Variants in SSX2IP observed in about 807,000 individuals in gnomAD.
The protein encoded by SSX2IP is SSX family member 2 interacting protein.
Under a neutral mutation model 84.9 loss-of-function variants are expected in SSX2IP, and 55 were observed. The ratio of observed to expected loss-of-function variants is 0.65; its 90% CI spans 0.52 to 0.81. The LOEUF is 0.81. Ranked by LOEUF, SSX2IP falls within the 30% of genes least tolerant of loss-of-function variation. The probability of loss-of-function intolerance (pLI) is 0.00; values close to 1 mark genes in which losing one functional copy is unlikely to be tolerated. For missense variants in SSX2IP, 664 were observed against 705.2 expected (o/e 0.94, Z 0.66); for synonymous variants, 239 against 234.7 (o/e 1.02, Z -0.17).
chr1:84,673,541 C>T (rs959784772), intron 1 of SSX2IP, among the ~76,000 whole-genome samples: 1 of 152,154 alleles, frequency 6.6e-6, no homozygotes, highest in African/African-American at 2.4e-5. Context: ...CTCTTTTATG[C>T]TTTAAGAAAG....
Position 84,666,199 on chromosome 1 carries a change from C to T in SSX2IP, c.460G>A (p.Gly154Arg). Residue 154 changes from glycine (G) to arginine (R), a missense_variant, in exon 5 of 14, where the codon GGG (glycine) becomes AGG (arginine). By Grantham distance (125) the Gly-to-Arg change is moderately radical. Coordinates refer to ENST00000342203, the MANE Select transcript of SSX2IP (RefSeq NM_001166293.2). The part of the protein sequence containing the change: ...QLETSRREMI[G>R]LQERDRQLQC... ...AACTGTCTGTCTCTTTCCTGAAGCC[C>T]AATCATTTCCCTCCTGGAGGTTTCC... 6.2e-7 allele frequency: 1 copy of T among 1,612,516 alleles called. No homozygotes were observed. Among genetic ancestry groups the T allele is most frequent in the East Asian group, 2.2e-5 (1 of 44,812 alleles).
intron 1 of SSX2IP, among the ~76,000 whole-genome samples, chr1:84,682,816 T>C (rs973280195): frequency 6.6e-6 from 1 of 152,174 alleles, no homozygotes; most frequent in African/African-American, 2.4e-5. Flanking sequence ...TTCACATTTT[T>C]ATAACAATGT....
intron 8 of SSX2IP, 121 bp from the exon 9 acceptor site, chr1:84,658,589 G>T: frequency 8.5e-7 from 1 of 1,169,902 alleles, no homozygotes; most frequent in Non-Finnish European, 1.2e-6. Flanking sequence ...TCTGTGCTGT[G>T]TCTTATGCAT....
At chr1:84,672,572 A>T (rs144976114) in intron 1 of SSX2IP, among the ~76,000 whole-genome samples, 51 of 152,300 alleles carry the variant, frequency 3.3e-4, no homozygotes, top group African/African-American at 1.2e-3. Context: ...TACACTTAAG[A>T]TCTGTGCACT....
intron 9 of SSX2IP, among the ~76,000 whole-genome samples, chr1:84,657,872 C>T (rs1053722657): frequency 6.6e-6 from 1 of 152,142 alleles, no homozygotes; most frequent in Non-Finnish European, 1.5e-5. Flanking sequence ...GTGGCTCACA[C>T]GTGTAATCCA....
intron 13 of SSX2IP, chr1:84,650,030 C>T: frequency 3.1e-6 from 2 of 639,898 alleles, no homozygotes; most frequent in South Asian, 1.6e-5. Flanking sequence ...AATATCCTTC[C>T]ATTTAATACA....
At chr1:84,667,493 C>T (rs1190605071) in intron 4 of SSX2IP, among the ~76,000 whole-genome samples, 1 of 152,072 alleles carries the variant, frequency 6.6e-6, no homozygotes, top group East Asian at 1.9e-4. Flanking sequence ...TAACTCCATC[C>T]CAAATACAAG....
At chr1:84,662,614 G>T in intron 6 of SSX2IP, 84 bp from the exon 7 acceptor site, 1 of 1,458,220 alleles carries the variant, frequency 6.9e-7, no homozygotes, top group Non-Finnish European at 9.4e-7. Flanking sequence ...CACGTAAGTG[G>T]TGAAAGTGAA....
intron 13 of SSX2IP, chr1:84,649,714 C>T: frequency 3.2e-6 from 1 of 315,120 alleles, no homozygotes; most frequent in Non-Finnish European, 6.2e-6. Flanking sequence ...TAGGAATGTT[C>T]TACCTGCTTC....
chr1:84,683,722 AT>A (rs1194588349), intron 1 of SSX2IP, among the ~76,000 whole-genome samples: 3 of 152,226 alleles, frequency 2.0e-5, no homozygotes, highest in Non-Finnish European at 2.9e-5. Flanking sequence ...CTGTTTTAGT[AT>A]GATAGACAAG....
rs1302175988 is a variant in SSX2IP at position 84,670,099 on chromosome 1, A to G, written c.214-206T>C. On this transcript the variant is annotated intron_variant, in intron 3 of 13. Transcript: ENST00000342203. ...AAAAAATGATATAAGTATGGGAGGT[A>G]TGCACACTGAGCCATTTCACAATGT... 1.1e-5 allele frequency: 5 copies of G among 442,742 alleles called. No homozygotes were observed. In the Admixed American group the frequency reaches 1.5e-4, roughly 14 times the overall value. 27.4% of individuals were successfully genotyped at this position (442,742 alleles called of 1,614,324 possible). A position where few individuals can be genotyped will look rare whatever the true frequency, so the allele number is the denominator to read the frequency against.
chr1:84,669,732 CAA>C lies in SSX2IP; in HGVS notation c.373_374del (p.Leu125GlufsTer5). On this transcript the variant is annotated frameshift_variant, in exon 4 of 14. Transcript: ENST00000342203. LOFTEE classifies it high-confidence loss of function. ...LAQENVETQNLKLGSDMDHLQ... is the reference protein window; with the variant it reads ...LAQENVETQNXKLGSDMDHLQ... ...GATGGTCCATATCACTTCCCAGCTT[CAA>C]ATTCTGTGTCTCCACATTTTCCTGA... 1 of 1,613,810 alleles carries C rather than the reference CAA, an allele frequency of 6.2e-7. No individual in the cohort carries two copies. The highest frequency in any genetic ancestry group is 8.5e-7 in the Non-Finnish European group (1 of 1,179,786).
chr1:84,661,942 C>A (rs1652044669), intron 8 of SSX2IP, among the ~76,000 whole-genome samples: 1 of 152,110 alleles, frequency 6.6e-6, no homozygotes, highest in African/African-American at 2.4e-5. Flanking sequence ...TAAAATGAGA[C>A]AATGCTTATA....
At chr1:84,678,422 C>T (rs946565791) in intron 1 of SSX2IP, among the ~76,000 whole-genome samples, 2 of 152,170 alleles carry the variant, frequency 1.3e-5, no homozygotes, top group Non-Finnish European at 2.9e-5. Flanking sequence ...CCATCCCCAT[C>T]ACATAACCTT....
At chr1:84,665,026 CA>C (rs1652569286) in intron 5 of SSX2IP, among the ~76,000 whole-genome samples, 1 of 152,104 alleles carries the variant, frequency 6.6e-6, no homozygotes, top group South Asian at 2.1e-4. Flanking sequence ...AGAGTAAGTC[CA>C]AACAGCAGAA....
chr1:84,645,295 T>C lies in SSX2IP; in HGVS notation c.*2138A>G, dbSNP rs561170318. 1 of 152,310 alleles carries C rather than the reference T, an allele frequency of 6.6e-6. No individual in the cohort carries two copies. Among genetic ancestry groups the C allele is most frequent in the African/African-American group, 2.4e-5 (1 of 41,568 alleles). The allele number at this position is 152,310 out of a possible 1,614,324, so 9.4% of individuals were successfully genotyped here. ...TTCCAGCATTCTGAGATTAGGGTGA[T>C]TGGGGATCATTCTGGAGTTGGAATG... On this transcript the variant is annotated 3_prime_UTR_variant, in exon 14 of 14. Transcript: ENST00000342203.
chr1:84,669,561 C>G (rs891696129), intron 4 of SSX2IP, 120 bp downstream of exon 4: 1 of 766,336 alleles, frequency 1.3e-6, no homozygotes. Context: ...TTTTACTTAC[C>G]TGTTTAAAAA....
chr1:84,649,882 T>A (rs992018454), intron 13 of SSX2IP: 58 of 515,682 alleles, frequency 1.1e-4, no homozygotes, highest in Admixed American at 2.0e-4. Context: ...CATGTTTTTT[T>A]ACACTGTCAT....
rs952807818 is a variant in SSX2IP, at chr1:84,662,107, A to G, written c.927+91T>C. 4.9e-6 allele frequency: 4 copies of G among 813,442 alleles called. No homozygotes were observed. The African/African-American group carries it at 6.9e-5, about 14-fold the overall frequency. The allele number at this position is 813,442 out of a possible 1,614,324, so 50.4% of individuals were successfully genotyped here. On this transcript the variant is annotated intron_variant, in intron 8 of 13. Transcript: ENST00000342203. ...AGTTGAGTGTCCTATTCAAAATACCAATAGTGTCCCCATTGAGAATGCCTA... is the reference window on the plus strand; with the variant it reads ...AGTTGAGTGTCCTATTCAAAATACCGATAGTGTCCCCATTGAGAATGCCTA...
Sources: allele counts gnomAD v4.1 joint callset (sites outside exome capture counted in the v4.1 genomes callset), GRCh38; gene constraint gnomAD v4.1.1; transcripts MANE v1.5; gene names NCBI Gene and HGNC (gene_info 2026-07-23, HGNC 2026-07-21).